Variants in EML4 observed in about 807,000 individuals in gnomAD.
EML4 encodes the protein EMAP like 4.
A neutral mutation model predicts 129.0 loss-of-function variants in EML4; 72 were observed. The observed-to-expected ratio is 0.56, with a 90% CI of 0.46 to 0.68. EML4 has a LOEUF of 0.68. EML4 is among the 30% of genes least tolerant of loss of function. EML4 has a pLI of 0.00. For synonymous variants in EML4, 532 were observed against 405.0 expected (o/e 1.31, Z -3.77); for missense variants, 1,363 against 1,190.6 (o/e 1.14, Z -2.13).
At chr2:42,295,656 C>A in intron 13 of EML4, 140 bp downstream of exon 13, 1 of 637,294 alleles carries the variant, frequency 1.6e-6, no homozygotes. Flanking sequence ...TTTCAGCATT[C>A]TTCATAATCT....
intron 10 of EML4, among the ~76,000 whole-genome samples, 164 bp downstream of exon 10, chr2:42,286,543 G>C (rs182253784): frequency 1.2e-4 from 18 of 152,324 alleles, no homozygotes; most frequent in African/African-American, 4.1e-4. Flanking sequence ...CTAGCATTTT[G>C]ACCTAAGTCC....
chr2:42,277,108 C>T lies in EML4; in HGVS notation c.668-3742C>T, dbSNP rs995663830. On this transcript the variant is annotated intron_variant, in intron 6 of 22. Transcript: ENST00000318522. ...CCTCCCCCTTTGCTATACCTACACT[C>T]CTTTCTAAGTGGTGATAGAAGCATC... is the stretch of plus-strand genomic sequence containing the variant. Among the ~76,000 whole-genome samples, 8 of 152,098 alleles carry T rather than the reference C, an allele frequency of 5.3e-5. No individual in the cohort carries two copies. The South Asian group carries it at 1.7e-3, about 31-fold the overall frequency.
intron 1 of EML4, among the ~76,000 whole-genome samples, chr2:42,171,610 A>T (rs1572819476): frequency 2.0e-5 from 3 of 152,310 alleles, no homozygotes; most frequent in South Asian, 4.1e-4. Flanking sequence ...TGTTGGATTT[A>T]AAAAATTCAT....
chr2:42,214,943 C>G (rs142346573), intron 1 of EML4, among the ~76,000 whole-genome samples: 1 of 152,238 alleles, frequency 6.6e-6, no homozygotes, highest in African/African-American at 2.4e-5. Context: ...AGTCACAAGG[C>G]CAGCCTAGAT....
intron 1 of EML4, among the ~76,000 whole-genome samples, chr2:42,238,344 A>G (rs6544523): frequency 6.6e-6 from 1 of 152,026 alleles, no homozygotes; most frequent in Non-Finnish European, 1.5e-5. Flanking sequence ...TATTCAATGT[A>G]CCATAATATA....
intron 3 of EML4, among the ~76,000 whole-genome samples, chr2:42,258,649 C>T (rs940360611): frequency 6.6e-6 from 1 of 152,104 alleles, no homozygotes; most frequent in African/African-American, 2.4e-5. Flanking sequence ...ATCCGCCCGC[C>T]TTAACCTCCC....
At chr2:42,256,379 A>G in intron 2 of EML4, 122 bp from the exon 3 acceptor site, 2 of 903,962 alleles carry the variant, frequency 2.2e-6, no homozygotes, top group Admixed American at 2.9e-5. Flanking sequence ...AGAGTTATAA[A>G]CAATAATATA....
chr2:42,274,161 G>T (rs1429369276), intron 6 of EML4, among the ~76,000 whole-genome samples: 1 of 152,148 alleles, frequency 6.6e-6, no homozygotes, highest in Non-Finnish European at 1.5e-5. Flanking sequence ...GATTCTTTAA[G>T]TTTCTGTTTG....
intron 1 of EML4, among the ~76,000 whole-genome samples, chr2:42,203,739 T>G (rs1171183892): frequency 1.3e-5 from 2 of 151,342 alleles, no homozygotes; most frequent in Non-Finnish European, 2.9e-5. Flanking sequence ...AGAGGATTAA[T>G]TGATAATATA....
In EML4 at chr2:42,216,150, C is replaced by G. The variant is rs561091085; in HGVS notation, c.26-29355C>G. Among the ~76,000 whole-genome samples, 3 of 151,258 alleles carry G rather than the reference C, an allele frequency of 2.0e-5. No homozygotes were observed. The East Asian group carries it at 5.8e-4, about 29-fold the overall frequency. ...GGTCAGGCTGGTCTCAAACTCCTGACCTCAGGTGATCTGCCTGCCTCGGCG... is the reference window on the plus strand; with the variant it reads ...GGTCAGGCTGGTCTCAAACTCCTGAGCTCAGGTGATCTGCCTGCCTCGGCG... On this transcript the variant is annotated intron_variant, in intron 1 of 22. Transcript: ENST00000318522.
intron 10 of EML4, among the ~76,000 whole-genome samples, chr2:42,287,899 C>G (rs1667399200): frequency 6.6e-6 from 1 of 152,024 alleles, no homozygotes; most frequent in South Asian, 2.1e-4. Context: ...TTAATACAGG[C>G]AGCAAGAAGG....
intron 1 of EML4, among the ~76,000 whole-genome samples, chr2:42,209,972 A>G (rs892248436): frequency 6.6e-6 from 1 of 152,088 alleles, no homozygotes; most frequent in Non-Finnish European, 1.5e-5. Flanking sequence ...AAAAACCAAT[A>G]GACTTCATTT....
chr2:42,315,255 A>G (rs547457241), intron 17 of EML4, among the ~76,000 whole-genome samples: 10 of 152,062 alleles, frequency 6.6e-5, no homozygotes, highest in Admixed American at 2.0e-4. Flanking sequence ...TTTTCTTCCT[A>G]TGAGTTCCTC....
At chr2:42,301,421 T>A in intron 14 of EML4, 29 bp downstream of exon 14, 1 of 1,559,350 alleles carries the variant, frequency 6.4e-7, no homozygotes, top group East Asian at 2.3e-5. Context: ...TATAAAAATA[T>A]TAAATACTCT....
intron 1 of EML4, among the ~76,000 whole-genome samples, chr2:42,214,921 G>A (rs1007390625): frequency 6.6e-6 from 1 of 152,066 alleles, no homozygotes; most frequent in African/African-American, 2.4e-5. Flanking sequence ...AACTTTTGTT[G>A]GTAAAAAAGC....
intron 17 of EML4, among the ~76,000 whole-genome samples, chr2:42,309,554 A>G (rs1558599744): frequency 6.6e-6 from 1 of 151,582 alleles, no homozygotes; most frequent in Non-Finnish European, 1.5e-5. Context: ...CATCCTTGCC[A>G]GTACATATTA....
At chr2:42,279,969 TA>T (rs1321703185) in intron 6 of EML4, among the ~76,000 whole-genome samples, 4 of 152,130 alleles carry the variant, frequency 2.6e-5, no homozygotes, top group African/African-American at 9.7e-5. Flanking sequence ...TAAAATCTGT[TA>T]TTTAACTATT....
intron 1 of EML4, among the ~76,000 whole-genome samples, chr2:42,227,882 C>T (rs777507243): frequency 1.3e-5 from 2 of 151,958 alleles, no homozygotes; most frequent in East Asian, 1.9e-4. Context: ...GTAAGGCTTC[C>T]GGTCAACCGC....
At chr2:42,290,329 A>G (rs1309786408) in intron 11 of EML4, among the ~76,000 whole-genome samples, 3 of 152,142 alleles carry the variant, frequency 2.0e-5, no homozygotes, top group Admixed American at 6.5e-5. Context: ...GTTGATATAT[A>G]ACTTTTTAAT....
Sources: allele counts gnomAD v4.1 joint callset (sites outside exome capture counted in the v4.1 genomes callset), GRCh38; gene constraint gnomAD v4.1.1; transcripts MANE v1.5; gene names NCBI Gene and HGNC (gene_info 2026-07-23, HGNC 2026-07-21).